Variants in MYH7B observed in about 807,000 individuals in gnomAD.
MYH7B encodes the protein myosin heavy chain 7B.
Under a neutral mutation model 234.5 loss-of-function variants are expected in MYH7B, and 205 were observed. The ratio of observed to expected loss-of-function variants is 0.87; its 90% CI spans 0.78 to 0.98. The LOEUF (loss-of-function observed/expected upper bound fraction) is 0.98, where lower values mean the gene tolerates loss of function less well. Ranked by LOEUF, MYH7B falls within the 50% of genes least tolerant of loss-of-function variation. MYH7B has a pLI of 0.00. For missense variants in MYH7B, 2,652 were observed against 2,633.4 expected (o/e 1.01, Z -0.15); for synonymous variants, 1,193 against 1,105.0 (o/e 1.08, Z -1.58).
At chr20:34,997,019 T>TG (rs11167250) in intron 30 of MYH7B, 64 bp from the exon 31 acceptor site, 1,507,853 of 1,507,954 alleles carry the variant, frequency 1, 753,879 homozygotes, top group Middle Eastern at 1. Flanking sequence ...GGGGGCGTTA[T>TG]GGGGTCCCAG....
chr20:34,987,195 G>A, exon 16 of MYH7B: 1 of 1,613,114 alleles, frequency 6.2e-7, no homozygotes, highest in Non-Finnish European at 8.5e-7. Flanking sequence ...AAATGTGCCT[G>A]CTATAAGATC....
intron 2 of MYH7B, among the ~76,000 whole-genome samples, chr20:34,959,621 G>A (rs1289493004): frequency 6.6e-6 from 1 of 151,974 alleles, no homozygotes; most frequent in Non-Finnish European, 1.5e-5. Flanking sequence ...GGGATTACAG[G>A]CACATGCCAC....
intron 13 of MYH7B, among the ~76,000 whole-genome samples, chr20:34,985,570 G>A (rs2082005066): frequency 1.4e-5 from 1 of 73,432 alleles, no homozygotes; most frequent in African/African-American, 7.1e-5. Context: ...CACCCCGCTG[G>A]GAAGTGCCCC....
At chr20:34,998,252 G>T in intron 32 of MYH7B, 43 bp from the exon 33 acceptor site, 1 of 1,605,812 alleles carries the variant, frequency 6.2e-7, no homozygotes, top group South Asian at 1.1e-5. Context: ...AACTTGTTCT[G>T]ACATCTAACT....
intron 2 of MYH7B, among the ~76,000 whole-genome samples, chr20:34,958,658 G>T (rs927145388): frequency 2.0e-5 from 3 of 152,062 alleles, no homozygotes; most frequent in African/African-American, 7.2e-5. Context: ...GAGAGACAGG[G>T]TTTCACCATG....
rs2082050578 is a variant in MYH7B at position 34,987,502 on chromosome 20, C to A, written c.1148-55C>A. On this transcript the variant is annotated intron_variant, in intron 16 of 44. Coordinates refer to ENST00000262873, the Ensembl canonical transcript of MYH7B. ...CTAGCCCCAGGCTGAGGCAGTAGAG[C>A]CCCTGAGTGCGCATGGTGGTGTCCT... 4 of 1,492,726 alleles carry A rather than the reference C, an allele frequency of 2.7e-6. No homozygotes were observed. In the African/African-American group the frequency reaches 4.2e-5, roughly 16 times the overall value. 92.5% of individuals were successfully genotyped at this position (1,492,726 alleles called of 1,614,324 possible).
intron 1 of MYH7B, among the ~76,000 whole-genome samples, chr20:34,957,399 C>G (rs984250628): frequency 1.3e-5 from 2 of 151,026 alleles, no homozygotes; most frequent in African/African-American, 4.9e-5. Flanking sequence ...TGGAGCGAAG[C>G]GAACAGATCA....
At chr20:34,991,055 T>C in exon 24 of MYH7B, 1 of 1,613,968 alleles carries the variant, frequency 6.2e-7, no homozygotes, top group Non-Finnish European at 8.5e-7. Context: ...AATGGGGTCC[T>C]GGAGGGGATC....
chr20:34,990,138 C>T, exon 21 of MYH7B: 1 of 1,614,166 alleles, frequency 6.2e-7, no homozygotes, highest in Non-Finnish European at 8.5e-7. Context: ...TATGCGGGCT[C>T]CTGCTCCAGT....
At chr20:34,972,081 C>T (rs957126332) in intron 2 of MYH7B, among the ~76,000 whole-genome samples, 3 of 152,194 alleles carry the variant, frequency 2.0e-5, no homozygotes, top group Non-Finnish European at 2.9e-5. Flanking sequence ...AGCAGCAGCT[C>T]GCCCCGCTGC....
At chr20:35,000,549 G>T (rs775233922) in exon 39 of MYH7B, 4 of 1,579,860 alleles carry the variant, frequency 2.5e-6, no homozygotes, top group Non-Finnish European at 3.4e-6. Flanking sequence ...GCAGGCGCAG[G>T]CTCTGGAGCG....
intron 7 of MYH7B, 73 bp downstream of exon 7, chr20:34,979,877 G>A: frequency 1.3e-6 from 2 of 1,538,566 alleles, no homozygotes; most frequent in Non-Finnish European, 1.8e-6. Flanking sequence ...AGGTGCTGGG[G>A]GCGGGCCCAT....
At chr20:34,992,976 C>A in intron 24 of MYH7B, 126 bp from the exon 25 acceptor site, 1 of 1,233,436 alleles carries the variant, frequency 8.1e-7, no homozygotes. Context: ...GCACCAGCCT[C>A]GGAGAGGCCC....
exon 28 of MYH7B, chr20:34,995,414 A>G: frequency 6.2e-7 from 1 of 1,613,944 alleles, no homozygotes; most frequent in Non-Finnish European, 8.5e-7. Flanking sequence ...GGGGAAGGTG[A>G]AGGAGCTGAG....
Position 34,975,499 on chromosome 20 carries a change from G to A in MYH7B, c.-122G>A. On this transcript the variant is annotated splice_region_variant and 5_prime_UTR_variant, in exon 3 of 45. It adds an upstream start codon to the 5' untranslated region. Transcript: ENST00000262873. ...CAAAGTGCTGGAATTACAGACATGA[G>A]GTACTGTGCCTGACCCAGGGTATGT... The A allele has an allele frequency of 2.8e-6, 2 of 713,450 alleles. No homozygotes were observed. Among genetic ancestry groups the A allele is most frequent in the South Asian group, 1.5e-5 (1 of 66,720 alleles). 44.2% of individuals were successfully genotyped at this position (713,450 alleles called of 1,614,324 possible). A position where few individuals can be genotyped will look rare whatever the true frequency, so the allele number is the denominator to read the frequency against.
chr20:34,994,448 C>T (rs1324597117), intron 27 of MYH7B, 47 bp downstream of exon 27: 1 of 1,523,336 alleles, frequency 6.6e-7, no homozygotes, highest in Non-Finnish European at 8.8e-7. Flanking sequence ...GCCCCGAGTA[C>T]CCCTGGCTGC....
chr20:34,991,147 C>A, intron 24 of MYH7B, 26 bp downstream of exon 24: 2 of 1,530,610 alleles, frequency 1.3e-6, no homozygotes, highest in Non-Finnish European at 1.8e-6. Flanking sequence ...CCCCTGCCTG[C>A]TGCTCCAGGT....
At chr20:34,985,014 G>A in intron 12 of MYH7B, 52 bp from the exon 13 acceptor site, 1 of 1,611,322 alleles carries the variant, frequency 6.2e-7, no homozygotes. Context: ...GGGCACAGGT[G>A]GGGACAGTGC....
At chr20:34,966,228 G>A (rs532984075) in intron 2 of MYH7B, among the ~76,000 whole-genome samples, 4 of 152,328 alleles carry the variant, frequency 2.6e-5, no homozygotes, top group African/African-American at 9.6e-5. Context: ...ACTGATAGCT[G>A]TCCAGATATC....
Sources: gnomAD v4.1 joint callset for allele counts (sites outside exome capture counted in the v4.1 genomes callset) on GRCh38, gnomAD v4.1.1 for gene constraint, MANE v1.5 for transcripts, NCBI Gene and HGNC (gene_info 2026-07-23, HGNC 2026-07-21) for gene names.